Variants in TMEM132B observed in about 807,000 individuals in gnomAD.
TMEM132B encodes the protein transmembrane protein 132B.
In TMEM132B, 18 loss-of-function variants were observed where a neutral mutation model predicts 90.8. That is an observed-to-expected ratio of 0.20 (90% CI 0.14 to 0.29). The LOEUF (loss-of-function observed/expected upper bound fraction) is 0.29, where lower values mean the gene tolerates loss of function less well. Among genes scored for constraint, TMEM132B ranks in the 10% least tolerant of loss-of-function variants. The pLI is 1.00. For missense variants in TMEM132B, 1,096 were observed against 1,326.8 expected (o/e 0.83, Z 2.70); for synonymous variants, 504 against 523.3 (o/e 0.96, Z 0.50).
intron 5 of TMEM132B, among the ~76,000 whole-genome samples, chr12:125,619,792 T>C (rs1477337068): frequency 1.3e-5 from 2 of 152,126 alleles, no homozygotes; most frequent in African/African-American, 2.4e-5. Flanking sequence ...ATTATTAGAA[T>C]ATTGTAAGCA....
At chr12:125,400,778 C>T (rs2136319888) in intron 2 of TMEM132B, among the ~76,000 whole-genome samples, 1 of 152,326 alleles carries the variant, frequency 6.6e-6, no homozygotes, top group Non-Finnish European at 1.5e-5. Flanking sequence ...TCCTTAATCA[C>T]ACCCTGAAAA....
intron 4 of TMEM132B, 37 bp from the exon 5 acceptor site, chr12:125,583,814 A>G (rs751691409): frequency 4.3e-5 from 69 of 1,611,280 alleles, no homozygotes; most frequent in South Asian, 1.5e-4. Flanking sequence ...TGTGGTATGC[A>G]CGTTTGCTGA....
chr12:125,351,723 C>A (rs1593099722), intron 2 of TMEM132B, among the ~76,000 whole-genome samples: 1 of 152,156 alleles, frequency 6.6e-6, no homozygotes, highest in East Asian at 1.9e-4. Flanking sequence ...GGAGCAGGGA[C>A]CCTGTAGAGC....
At position 125,654,656 on chromosome 12, in the gene TMEM132B, G is replaced by C; in HGVS notation, c.3198G>C (p.Leu1066=). 1.2e-6 allele frequency: 2 copies of C among 1,614,186 alleles called. No individual in the cohort carries two copies. The highest frequency in any genetic ancestry group is 1.7e-6 in the Non-Finnish European group (2 of 1,180,046). The change falls in exon 9 of 9, where the codon CTG becomes CTC. Residue 1066 remains leucine (L), a synonymous_variant. Coordinates refer to ENST00000682704, the MANE Select transcript of TMEM132B (RefSeq NM_001366854.1). The surrounding 1 kb of genome is among the most constrained non-coding windows in gnomAD (Gnocchi z 5.8). ...NIKWVCQDMG[L]GDSQDFRDYM... ...AGTGGGTCTGCCAAGATATGGGGCT[G>C]GGGGATTCACAGGACTTTAGAGACT...
chr12:125,322,826 C>A (rs1356764453), intron 1 of TMEM132B, among the ~76,000 whole-genome samples: 1 of 152,064 alleles, frequency 6.6e-6, no homozygotes, highest in Non-Finnish European at 1.5e-5. Context: ...GCATTTCCCC[C>A]CAATGTGTTC....
At chr12:125,436,128 A>G (rs1880692142) in intron 3 of TMEM132B, among the ~76,000 whole-genome samples, 2 of 152,118 alleles carry the variant, frequency 1.3e-5, no homozygotes, top group African/African-American at 4.8e-5. Flanking sequence ...TTCCAGTGGA[A>G]AGTAGAAAGG....
chr12:125,516,861 G>T (rs540098245), intron 3 of TMEM132B, among the ~76,000 whole-genome samples: 7 of 152,312 alleles, frequency 4.6e-5, no homozygotes, highest in African/African-American at 1.7e-4. Context: ...TGAAAATTTG[G>T]TCTGACAGGA....
chr12:125,379,388 G>C (rs1878591070), intron 2 of TMEM132B, among the ~76,000 whole-genome samples: 1 of 152,112 alleles, frequency 6.6e-6, no homozygotes, highest in Non-Finnish European at 1.5e-5. Flanking sequence ...TGCAGGAAGG[G>C]GCCACAAGCC....
At chr12:125,412,394 T>A (rs1879875192) in intron 2 of TMEM132B, among the ~76,000 whole-genome samples, 1 of 152,216 alleles carries the variant, frequency 6.6e-6, no homozygotes, top group African/African-American at 2.4e-5. Context: ...TCCCCAGACT[T>A]AACTACTGAG....
intron 4 of TMEM132B, among the ~76,000 whole-genome samples, chr12:125,577,654 GT>G (rs1884970348): frequency 6.6e-6 from 1 of 150,938 alleles, no homozygotes; most frequent in African/African-American, 2.4e-5. Flanking sequence ...TCTAGGTTTA[GT>G]TTGCTCTTTT....
intron 1 of TMEM132B, among the ~76,000 whole-genome samples, chr12:125,339,548 A>G (rs990176086): frequency 6.6e-6 from 1 of 152,194 alleles, no homozygotes; most frequent in African/African-American, 2.4e-5. Flanking sequence ...CAATGCCCCC[A>G]TCCTCAGTAA....
chr12:125,352,187 T>C (rs1371463576), intron 2 of TMEM132B, among the ~76,000 whole-genome samples: 1 of 152,222 alleles, frequency 6.6e-6, no homozygotes. Flanking sequence ...CCTGCCCTGT[T>C]TGATGTGTCA....
intron 4 of TMEM132B, among the ~76,000 whole-genome samples, chr12:125,559,527 A>C (rs1324812980): frequency 1.3e-5 from 2 of 152,198 alleles, no homozygotes; most frequent in Admixed American, 1.3e-4. Flanking sequence ...GCCCTGGGAA[A>C]ATTTTGTAAC....
intron 5 of TMEM132B, among the ~76,000 whole-genome samples, chr12:125,623,208 A>G (rs1419895639): frequency 1.3e-5 from 2 of 152,180 alleles, no homozygotes; most frequent in Non-Finnish European, 2.9e-5. Flanking sequence ...AGGCTTACAA[A>G]TGTTGGTGGT....
At chr12:125,430,427 A>G (rs1197546054) in intron 3 of TMEM132B, among the ~76,000 whole-genome samples, 1 of 152,152 alleles carries the variant, frequency 6.6e-6, no homozygotes. Context: ...GTGGGCGGAA[A>G]CCCGGTCTAG....
chr12:125,620,576 G>A (rs1207507478), intron 5 of TMEM132B, among the ~76,000 whole-genome samples: 1 of 152,190 alleles, frequency 6.6e-6, no homozygotes, highest in Admixed American at 6.5e-5. Flanking sequence ...GACAAAAGCT[G>A]TAAGAGTCCC....
intron 1 of TMEM132B, among the ~76,000 whole-genome samples, chr12:125,190,496 G>T (rs1342408708): frequency 8.1e-5 from 11 of 135,798 alleles, no homozygotes; most frequent in East Asian, 2.3e-4. Flanking sequence ...GGTGGTGATG[G>T]TGATGGGAAG....
At chr12:125,326,510 A>G (rs550677) in intron 1 of TMEM132B, 755,984 of 1,218,646 alleles carry the variant, frequency 0.62, 240,656 homozygotes, top group African/African-American at 0.83. Flanking sequence ...CAACCTGTAT[A>G]GTAAACATCG....
intron 2 of TMEM132B, among the ~76,000 whole-genome samples, chr12:125,357,645 C>G (rs1413764753): frequency 6.6e-6 from 1 of 152,220 alleles, no homozygotes; most frequent in East Asian, 1.9e-4. Flanking sequence ...GACCGGGGAC[C>G]TGTGGCCTGG....
Sources: allele counts gnomAD v4.1 joint callset (sites outside exome capture counted in the v4.1 genomes callset), GRCh38; gene constraint gnomAD v4.1.1; non-coding constraint Gnocchi (gnomAD v3.1); transcripts MANE v1.5; gene names NCBI Gene and HGNC (gene_info 2026-07-23, HGNC 2026-07-21).